The following ZNF546 variants were observed in gnomAD, a reference collection of about 807,000 sequenced individuals.
ZNF546 encodes CTC-471F3.6.
In ZNF546, 60 loss-of-function variants were observed where a neutral mutation model predicts 76.2. That is an observed-to-expected ratio of 0.79 (90% CI 0.64 to 0.98). The LOEUF is 0.98. Among genes scored for constraint, ZNF546 ranks in the 50% least tolerant of loss-of-function variants. ZNF546 has a pLI of 0.00. For missense variants in ZNF546, 936 were observed against 1,035.6 expected (o/e 0.90, Z 1.32); for synonymous variants, 277 against 328.1 (o/e 0.84, Z 1.68).
At chr19:40,005,009 C>CT (rs752081163) in intron 3 of ZNF546, among the ~76,000 whole-genome samples, 2,243 of 86,868 alleles carry the variant, frequency 0.026, 305 homozygotes, top group Non-Finnish European at 0.032. Context: ...CTGCATGCAT[C>CT]TTTTTTTTTT....
intron 3 of ZNF546, among the ~76,000 whole-genome samples, chr19:40,002,500 T>A (rs890907241): frequency 1.3e-5 from 2 of 152,046 alleles, no homozygotes; most frequent in African/African-American, 4.8e-5. Flanking sequence ...ACTGAATAAG[T>A]ATAAGGTAGA....
Position 39,997,361 on chromosome 19 carries a change from G to C in ZNF546, c.-135+204G>C, listed in dbSNP as rs1429441410. 3 of 153,050 alleles carry C rather than the reference G, an allele frequency of 2.0e-5. No homozygotes were observed. In the East Asian group the frequency reaches 5.8e-4, roughly 29 times the overall value. The allele number at this position is 153,050 out of a possible 1,614,324, so 9.5% of individuals were successfully genotyped here. A position where few individuals can be genotyped will look rare whatever the true frequency, so the allele number is the denominator to read the frequency against. ...TGTGCGCGCGACGGGGCGCCTGTCA[G>C]GACCGGGTTGGGCGGGTGTGGGTGC... On this transcript the variant is annotated intron_variant, in intron 1 of 6. Coordinates refer to ENST00000347077, the MANE Select transcript of ZNF546 (RefSeq NM_178544.5).
intron 4 of ZNF546, among the ~76,000 whole-genome samples, chr19:40,006,788 A>G (rs1971607949): frequency 6.6e-6 from 1 of 152,260 alleles, no homozygotes; most frequent in African/African-American, 2.4e-5. Flanking sequence ...AAGAAGAATT[A>G]GTCTGCTGTA....
In ZNF546 at chr19:40,014,862, GA is replaced by G. The variant is rs759229023; in HGVS notation, c.1596del (p.Ala533ProfsTer237). The G allele has an allele frequency of 6.2e-7, 1 of 1,613,864 alleles. No individual in the cohort carries two copies. Among genetic ancestry groups the G allele is most frequent in the South Asian group, 1.1e-5 (1 of 91,060 alleles). On this transcript the variant is annotated frameshift_variant, in exon 7 of 7. Coordinates refer to ENST00000347077, the MANE Select transcript of ZNF546 (RefSeq NM_178544.5). LOFTEE classifies it high-confidence loss of function. ...AAACCCTACATATGTAACGAATGTG[GA>G]AAAGCCTTTCGTCTTCAAGGAGAAC... ...GEKPYICNEC[G>X]KAFRLQGELT...
intron 3 of ZNF546, among the ~76,000 whole-genome samples, chr19:40,004,982 C>T (rs1971585323): frequency 6.7e-6 from 1 of 148,454 alleles, no homozygotes; most frequent in Non-Finnish European, 1.5e-5. Context: ...TTCCAGTAAG[C>T]CTTTTGCACC....
At chr19:40,001,651 C>T (rs879752033) in intron 3 of ZNF546, among the ~76,000 whole-genome samples, 4 of 152,058 alleles carry the variant, frequency 2.6e-5, no homozygotes, top group African/African-American at 7.2e-5. Flanking sequence ...TGTGAGCCAC[C>T]GCGCTCTACC....
chr19:40,007,354 G>T lies in ZNF546; in HGVS notation c.252G>T (p.Leu84Phe), dbSNP rs142875066. 1.8e-5 allele frequency: 29 copies of T among 1,605,532 alleles called. No individual in the cohort carries two copies. The highest frequency in any genetic ancestry group is 2.5e-5 in the Non-Finnish European group (29 of 1,175,206). The change falls in exon 5 of 7, where the codon TTG becomes TTT. Residue 84 changes from leucine (L) to phenylalanine (F), a missense_variant. Physicochemically the swap from Leu to Phe is conservative, Grantham distance 22. Transcript: ENST00000347077. ...GCCTGGACGCTGTGCAGAGGGACTT[G>T]TACAAGGATGTGATGTTGGAGAACT... ...WECLDAVQRD[L>F]YKDVMLENYS...
chr19:40,014,094 G>A lies in ZNF546; in HGVS notation c.824G>A (p.Cys275Tyr), dbSNP rs1971711568. 6.2e-7 allele frequency: 1 copy of A among 1,613,872 alleles called. No individual in the cohort carries two copies. The highest frequency in any genetic ancestry group is 1.3e-5 in the African/African-American group (1 of 75,054). ...CATGCTGGGGAGAGACCCTATGAAT[G>A]TAAAGAATGTGGGAAGGCCTTTAGA... ...TIHAGERPYE[C>Y]KECGKAFRLH... Residue 275 changes from cysteine (C) to tyrosine (Y), a missense_variant, in exon 7 of 7, where the codon TGT becomes TAT. By Grantham distance (194) the Cys-to-Tyr change is radical. Coordinates refer to ENST00000347077, the MANE Select transcript of ZNF546 (RefSeq NM_178544.5).
rs1252205666 is a variant in ZNF546, at chr19:40,013,771, T to G, written c.501T>G (p.His167Gln). Reference sequence around the variant, plus strand: ...GGGAAAAAAGTAAAAACACCATCCATGAGGACACCATTTTCAGAAATGGTT... The same window carrying G: ...GGGAAAAAAGTAAAAACACCATCCAGGAGGACACCATTTTCAGAAATGGTT... ...QTGEKSKNTI[H>Q]EDTIFRNGLQ... The change falls in exon 7 of 7, where the codon CAT (histidine) becomes CAG (glutamine). Residue 167 changes from histidine (H) to glutamine (Q), a missense_variant. Transcript: ENST00000347077. The G allele has an allele frequency of 1.9e-6, 3 of 1,613,152 alleles. No individual in the cohort carries two copies. Among genetic ancestry groups the G allele is most frequent in the Non-Finnish European group, 2.5e-6 (3 of 1,179,848 alleles).
At chr19:40,009,764 T>C (rs1423457676) in intron 6 of ZNF546, among the ~76,000 whole-genome samples, 1 of 152,210 alleles carries the variant, frequency 6.6e-6, no homozygotes, top group African/African-American at 2.4e-5. Context: ...CTTCCTTTTT[T>C]AAAAATATGG....
Position 40,016,580 on chromosome 19 carries a change from T to C in ZNF546, c.*799T>C, listed in dbSNP as rs1224448117. 1 of 152,060 alleles carries C rather than the reference T, an allele frequency of 6.6e-6. No homozygotes were observed. Among genetic ancestry groups the C allele is most frequent in the Non-Finnish European group, 1.5e-5 (1 of 67,994 alleles). The allele number at this position is 152,060 out of a possible 1,614,324, so 9.4% of individuals were successfully genotyped here. A position where few individuals can be genotyped will look rare whatever the true frequency, so the allele number is the denominator to read the frequency against. On this transcript the variant is annotated 3_prime_UTR_variant, in exon 7 of 7. Coordinates refer to ENST00000347077, the MANE Select transcript of ZNF546 (RefSeq NM_178544.5). The stretch of plus-strand genomic sequence containing the variant: ...AAAAGAAAAAAACAGACATACAAAA[T>C]AAAAGCCCCAGTTTTTTATTATGGT...
At chr19:40,005,621 T>A (rs998870251) in intron 3 of ZNF546, among the ~76,000 whole-genome samples, 1 of 152,068 alleles carries the variant, frequency 6.6e-6, no homozygotes, top group Admixed American at 6.6e-5. Flanking sequence ...TGCTCATGCT[T>A]AAGTTTCATT....
chr19:40,002,590 A>G (rs988143745), intron 3 of ZNF546, among the ~76,000 whole-genome samples: 1 of 152,204 alleles, frequency 6.6e-6, no homozygotes, highest in Non-Finnish European at 1.5e-5. Flanking sequence ...GCTGTCCAAT[A>G]GAACTTTCCA....
In ZNF546 at chr19:40,017,966, CTTTTTTTTTTTTTTTTTT is replaced by C. The variant is rs1186230239; in HGVS notation, c.*2197_*2214del. Reference sequence around the variant, plus strand: ...CCCCACAACTTTATTGCAACATTGACTTTTTTTTTTTTTTTTTTTTTTTTTTTTTGAGATGGAGTCTCT... The same window carrying C: ...CCCCACAACTTTATTGCAACATTGACTTTTTTTTTTTGAGATGGAGTCTCT... On this transcript the variant is annotated 3_prime_UTR_variant, in exon 7 of 7. Coordinates refer to ENST00000347077, the MANE Select transcript of ZNF546 (RefSeq NM_178544.5). 1 of 63,076 alleles carries C rather than the reference CTTTTTTTTTTTTTTTTTT, an allele frequency of 1.6e-5. No homozygotes were observed. Among genetic ancestry groups the C allele is most frequent in the Non-Finnish European group, 3.1e-5 (1 of 32,738 alleles). 3.9% of individuals were successfully genotyped at this position (63,076 alleles called of 1,614,324 possible).
At chr19:39,999,093 G>A (rs938396218) in intron 3 of ZNF546, among the ~76,000 whole-genome samples, 1 of 152,170 alleles carries the variant, frequency 6.6e-6, no homozygotes, top group Admixed American at 6.5e-5. Context: ...AATTTTATAT[G>A]AATCTCACTA....
At chr19:39,998,930 G>A (rs990729818) in intron 3 of ZNF546, among the ~76,000 whole-genome samples, 2 of 151,988 alleles carry the variant, frequency 1.3e-5, no homozygotes, top group African/African-American at 4.8e-5. Context: ...CTGCCACCAT[G>A]CCTGGCTAAT....
rs1227859854 is a variant in ZNF546 at position 40,014,102 on chromosome 19, T to G, written c.832T>G (p.Cys278Gly). 6.2e-7 allele frequency: 1 copy of G among 1,613,902 alleles called. No individual in the cohort carries two copies. Among genetic ancestry groups the G allele is most frequent in the Non-Finnish European group, 8.5e-7 (1 of 1,179,818 alleles). ...AGERPYECKECGKAFRLHYHL... is the reference protein window; with the variant it reads ...AGERPYECKEGGKAFRLHYHL... ...GGAGAGACCCTATGAATGTAAAGAA[T>G]GTGGGAAGGCCTTTAGACTTCATTA... Residue 278 changes from cysteine to glycine, a missense_variant, in exon 7 of 7, where the codon TGT becomes GGT. By Grantham distance (159) the Cys-to-Gly change is radical. Coordinates refer to ENST00000347077, the MANE Select transcript of ZNF546 (RefSeq NM_178544.5).
chr19:40,012,814 T>C (rs1599743893), intron 6 of ZNF546, among the ~76,000 whole-genome samples: 1 of 151,828 alleles, frequency 6.6e-6, no homozygotes, highest in East Asian at 1.9e-4. Flanking sequence ...TATTTTACCA[T>C]TCTTTTTTTT....
intron 3 of ZNF546, among the ~76,000 whole-genome samples, chr19:40,003,139 C>T (rs1971552736): frequency 2.0e-5 from 3 of 150,480 alleles, no homozygotes; most frequent in African/African-American, 7.4e-5. Context: ...AGGTTCACAC[C>T]ATTCTCCTAC....
Sources: gnomAD v4.1 joint callset for allele counts (sites outside exome capture counted in the v4.1 genomes callset) on GRCh38, gnomAD v4.1.1 for gene constraint, MANE v1.5 for transcripts, NCBI Gene and HGNC (gene_info 2026-07-23, HGNC 2026-07-21) for gene names.